The following PTK2B variants were observed in gnomAD, a reference collection of about 807,000 sequenced individuals.
PTK2B encodes protein tyrosine kinase 2 beta.
PTK2B carries 71 observed loss-of-function variants against 142.9 expected under a neutral mutation model. That is an observed-to-expected ratio of 0.50 (90% CI 0.41 to 0.61). The LOEUF is 0.61. Ranked by LOEUF, PTK2B falls within the 20% of genes least tolerant of loss-of-function variation. The pLI, the probability that PTK2B is intolerant of heterozygous loss-of-function variation, is 0.00. For synonymous variants in PTK2B, 519 were observed against 503.4 expected (o/e 1.03, Z -0.42); for missense variants, 1,105 against 1,320.4 (o/e 0.84, Z 2.53).
At chr8:27,369,098 T>C (rs1431819158) in intron 1 of PTK2B, among the ~76,000 whole-genome samples, 3 of 152,202 alleles carry the variant, frequency 2.0e-5, no homozygotes, top group Non-Finnish European at 4.4e-5. Context: ...AGCTGTGATA[T>C]TATGTTGAAA....
chr8:27,451,000 C>T (rs772224528), intron 25 of PTK2B, 43 bp from the exon 26 acceptor site: 1 of 1,609,718 alleles, frequency 6.2e-7, no homozygotes, highest in Non-Finnish European at 8.5e-7. Flanking sequence ...GTGCTTTCAG[C>T]TCCAGAATTC....
At chr8:27,405,068 C>CTCTCTCTCTCTG (rs1808631359) in intron 2 of PTK2B, among the ~76,000 whole-genome samples, 1 of 145,178 alleles carries the variant, frequency 6.9e-6, no homozygotes, top group South Asian at 2.2e-4. Flanking sequence ...CTCTCTCTCT[C>CTCTCTCTCTCTG]TTAGCCATGT....
Position 27,367,964 on chromosome 8 carries a change from A to C in PTK2B, c.-37-29584A>C, listed in dbSNP as rs1034729024. On this transcript the variant is annotated intron_variant, in intron 1 of 30. Coordinates refer to ENST00000346049, the MANE Select transcript of PTK2B (RefSeq NM_173176.3). The stretch of plus-strand genomic sequence containing the variant: ...TGGAGGGAACAAACATCTAAACCGT[A>C]TCAGGGTCTCTGATTCCACAAGAGC... Among the ~76,000 whole-genome samples, 6 of 152,234 alleles carry C rather than the reference A, an allele frequency of 3.9e-5. 1 individual carries two copies. Among genetic ancestry groups the C allele is most frequent in the Non-Finnish European group, 8.8e-5 (6 of 68,032 alleles).
At chr8:27,410,294 A>T (rs978728122) in intron 2 of PTK2B, among the ~76,000 whole-genome samples, 1 of 152,190 alleles carries the variant, frequency 6.6e-6, no homozygotes, top group African/African-American at 2.4e-5. Flanking sequence ...GATGGGGCAG[A>T]GGAAAAAGTT....
At position 27,437,424 on chromosome 8, in the gene PTK2B, C is replaced by T; in HGVS notation, c.1455C>T (p.His485=). ...TCATGAAGAACCTCGACCACCCGCA[C>T]ATCGTGAAGCTGATCGGCATCATTG... ...AVIMKNLDHP[H]IVKLIGIIEE... is the part of the protein sequence containing the mutation. The change falls in exon 17 of 31, where the codon CAC becomes CAT. Residue 485 remains histidine (H), a synonymous_variant. Coordinates refer to ENST00000346049, the MANE Select transcript of PTK2B (RefSeq NM_173176.3). The T allele has an allele frequency of 6.2e-7, 1 of 1,613,412 alleles. No individual in the cohort carries two copies. The highest frequency in any genetic ancestry group is 8.5e-7 in the Non-Finnish European group (1 of 1,179,612).
chr8:27,445,352 G>T (rs1404735379), intron 23 of PTK2B, among the ~76,000 whole-genome samples: 1 of 152,198 alleles, frequency 6.6e-6, no homozygotes, highest in African/African-American at 2.4e-5. Flanking sequence ...GTTTAAGGCT[G>T]CAGTGAGCTG....
At chr8:27,440,532 C>A in intron 21 of PTK2B, 91 bp downstream of exon 21, 2 of 1,438,894 alleles carry the variant, frequency 1.4e-6, no homozygotes, top group East Asian at 2.3e-5. Context: ...ACCACATCTC[C>A]CTAAAGAAGA....
chr8:27,450,327 C>T (rs1253248679), intron 24 of PTK2B, among the ~76,000 whole-genome samples: 1 of 152,192 alleles, frequency 6.6e-6, no homozygotes, highest in African/African-American at 2.4e-5. Flanking sequence ...TAAGCAAAGC[C>T]AGCCCCTTGG....
Position 27,442,865 on chromosome 8 carries a change from C to T in PTK2B, c.2040-10C>T. 6.2e-7 allele frequency: 1 copy of T among 1,609,668 alleles called. No homozygotes were observed. Among genetic ancestry groups the T allele is most frequent in the Non-Finnish European group, 8.5e-7 (1 of 1,175,910 alleles). On this transcript the variant is annotated splice_polypyrimidine_tract_variant and intron_variant, in intron 21 of 30. Transcript: ENST00000346049. ...TAGTTTCTCTCCTTATCTGACGTGA[C>T]TCCCTGCAGTGACGTTTATCAGATG... is the stretch of plus-strand genomic sequence containing the variant.
chr8:27,438,041 TG>T, intron 18 of PTK2B, 161 bp downstream of exon 18: 3 of 626,200 alleles, frequency 4.8e-6, no homozygotes, highest in Non-Finnish European at 8.4e-6. Context: ...TCTGACCCTG[TG>T]TCCTCATCTG....
chr8:27,437,606 G>T, intron 17 of PTK2B, 110 bp downstream of exon 17: 1 of 1,208,664 alleles, frequency 8.3e-7, no homozygotes, highest in South Asian at 1.4e-5. Flanking sequence ...AAATAAGCCA[G>T]AGGCCCTGTT....
At chr8:27,329,749 T>C (rs1055591964) in intron 1 of PTK2B, among the ~76,000 whole-genome samples, 4 of 152,086 alleles carry the variant, frequency 2.6e-5, no homozygotes, top group Non-Finnish European at 4.4e-5. Context: ...ATATGCCTTA[T>C]CTGTCCAAGC....
intron 1 of PTK2B, among the ~76,000 whole-genome samples, chr8:27,327,200 A>C (rs1803473242): frequency 6.6e-6 from 1 of 152,104 alleles, no homozygotes; most frequent in Admixed American, 6.5e-5. Context: ...GGGAACCTAG[A>C]GCGTGCAGGG....
At chr8:27,371,328 T>C (rs958256536) in intron 1 of PTK2B, among the ~76,000 whole-genome samples, 45 of 152,280 alleles carry the variant, frequency 3.0e-4, no homozygotes, top group African/African-American at 8.7e-4. Context: ...GTGTTGTGAA[T>C]GCCAAGGTCG....
chr8:27,344,262 C>T (rs78136676), intron 1 of PTK2B, among the ~76,000 whole-genome samples: 2,787 of 152,202 alleles, frequency 0.018, 102 homozygotes, highest in African/African-American at 0.063. Context: ...TATGTCTCCC[C>T]GTGGAGAAGG....
intron 1 of PTK2B, among the ~76,000 whole-genome samples, chr8:27,331,272 A>G (rs1056849890): frequency 6.6e-6 from 1 of 151,988 alleles, no homozygotes; most frequent in Non-Finnish European, 1.5e-5. Flanking sequence ...TTCTGTGAGA[A>G]CCTGCCCCCC....
rs556767376 is a variant in PTK2B at position 27,436,181 on chromosome 8, C to T, written c.1244-70C>T. Reference sequence around the variant, plus strand: ...TGGTGACGCCTGGCTTTAGAGCCTGCAGACACTCAGGTTCCCTAGGGGATA... The same window carrying T: ...TGGTGACGCCTGGCTTTAGAGCCTGTAGACACTCAGGTTCCCTAGGGGATA... On this transcript the variant is annotated intron_variant, in intron 14 of 30. Transcript: ENST00000346049. The T allele has an allele frequency of 2.6e-5, 38 of 1,462,670 alleles. No homozygotes were observed. The African/African-American group carries it at 4.7e-4, about 18-fold the overall frequency. 90.6% of individuals were successfully genotyped at this position (1,462,670 alleles called of 1,614,324 possible).
At chr8:27,451,535 G>A (rs781348600) in intron 27 of PTK2B, 26 bp downstream of exon 27, 1 of 1,613,928 alleles carries the variant, frequency 6.2e-7, no homozygotes, top group Non-Finnish European at 8.5e-7. Flanking sequence ...CTTCTTCGGG[G>A]GGTTTCCTCT....
intron 1 of PTK2B, among the ~76,000 whole-genome samples, chr8:27,352,712 T>A (rs1229222509): frequency 1.3e-5 from 2 of 152,194 alleles, no homozygotes; most frequent in Admixed American, 1.3e-4. Flanking sequence ...TCTTGTGAGA[T>A]CTGATGGTTT....
Sources: allele counts gnomAD v4.1 joint callset (sites outside exome capture counted in the v4.1 genomes callset), GRCh38; gene constraint gnomAD v4.1.1; transcripts MANE v1.5; gene names NCBI Gene and HGNC (gene_info 2026-07-23, HGNC 2026-07-21).